Variants in GLYAT observed in about 807,000 individuals in gnomAD.
The protein encoded by GLYAT is glycine N-acyltransferase.
In GLYAT, 25 loss-of-function variants were observed where a neutral mutation model predicts 22.8. The ratio of observed to expected loss-of-function variants is 1.09; its 90% CI spans 0.80 to 1.53. The LOEUF (loss-of-function observed/expected upper bound fraction) is 1.53, where lower values mean the gene tolerates loss of function less well. GLYAT is among the 40% of genes most tolerant of loss of function. GLYAT has a pLI of 0.00. For missense variants in GLYAT, 411 were observed against 353.9 expected, an observed-to-expected ratio of 1.16 and a Z score of -1.29; for synonymous variants, 140 against 122.7, an observed-to-expected ratio of 1.14 and a Z score of -0.93.
chr11:58,713,810 T>G (rs1856645702), intron 3 of GLYAT, among the ~76,000 whole-genome samples: 1 of 152,178 alleles, frequency 6.6e-6, no homozygotes, highest in Non-Finnish European at 1.5e-5. Context: ...TTTTGTTGCT[T>G]AAGACCACAT....
chr11:58,710,256 A>G (rs1856597193), intron 5 of GLYAT, 88 bp from the exon 6 acceptor site: 2 of 1,491,194 alleles, frequency 1.3e-6, no homozygotes, highest in Admixed American at 4.7e-5. Context: ...GACAGAGTAG[A>G]CAGAAGAAAT....
At chr11:58,717,693 A>G (rs1350396131) in intron 2 of GLYAT, among the ~76,000 whole-genome samples, 1 of 152,116 alleles carries the variant, frequency 6.6e-6, no homozygotes. Flanking sequence ...CAACAGGTGT[A>G]CTATAGTCTT....
At chr11:58,723,256 G>T (rs1856774033) in intron 2 of GLYAT, among the ~76,000 whole-genome samples, 1 of 151,944 alleles carries the variant, frequency 6.6e-6, no homozygotes, top group Non-Finnish European at 1.5e-5. Flanking sequence ...CAAAAAAAAT[G>T]TTCTGTCTCT....
chr11:58,724,661 C>T (rs1856793836), intron 1 of GLYAT, 150 bp from the exon 2 acceptor site: 1 of 410,398 alleles, frequency 2.4e-6, no homozygotes, highest in Admixed American at 4.2e-5. Context: ...AAATGAGACT[C>T]GTAGAAAACA....
intron 1 of GLYAT, among the ~76,000 whole-genome samples, chr11:58,729,072 A>G (rs1856845729): frequency 6.6e-6 from 1 of 152,058 alleles, no homozygotes; most frequent in African/African-American, 2.4e-5. Context: ...CATGGATTCT[A>G]CCTCTACCAT....
In GLYAT at chr11:58,710,137, C is replaced by T. The variant is rs376065098; in HGVS notation, c.520G>A (p.Asp174Asn). The T allele has an allele frequency of 6.2e-7, 1 of 1,613,802 alleles. No homozygotes were observed. The highest frequency in any genetic ancestry group is 1.7e-5 in the Admixed American group (1 of 59,990). The change falls in exon 6 of 6, where the codon GAT becomes AAT. Residue 174 changes from aspartate to asparagine, a missense_variant. Physicochemically the swap from Asp to Asn is conservative, Grantham distance 23 (BLOSUM62 1). Transcript: ENST00000344743. ...TTCACCAAGTGAGCATGGGTAACATCCATGGATGAGAGTTTAAACATCTCT... is the reference window on the plus strand; with the variant it reads ...TTCACCAAGTGAGCATGGGTAACATTCATGGATGAGAGTTTAAACATCTCT... The part of the protein sequence containing the change: ...NQEMFKLSSM[D>N]VTHAHLVNKF...
rs1233111812 is a variant in GLYAT at position 58,715,313 on chromosome 11, T to C, written c.189+3A>G. 13 of 1,361,136 alleles carry C rather than the reference T, an allele frequency of 9.6e-6. No homozygotes were observed. The highest frequency in any genetic ancestry group is 1.3e-5 in the Non-Finnish European group (12 of 951,152). 84.3% of individuals were successfully genotyped at this position (1,361,136 alleles called of 1,614,324 possible). ...AGAAGAATATTCACACATGGAAACT[T>C]ACCTGCTCCTGAGGGCAGACAACCA... On this transcript the variant is annotated splice_donor_region_variant and intron_variant, in intron 3 of 5. Transcript: ENST00000344743.
chr11:58,723,516 G>A (rs1856777664), intron 2 of GLYAT, among the ~76,000 whole-genome samples: 1 of 152,004 alleles, frequency 6.6e-6, no homozygotes, highest in South Asian at 2.1e-4. Flanking sequence ...ACTGAAAGAA[G>A]GGAATAACAA....
At chr11:58,714,606 A>G (rs535953009) in intron 3 of GLYAT, among the ~76,000 whole-genome samples, 39 of 152,240 alleles carry the variant, frequency 2.6e-4, no homozygotes, top group Admixed American at 1.8e-3. Flanking sequence ...GATGGAGACA[A>G]TTGAATCATT....
intron 3 of GLYAT, among the ~76,000 whole-genome samples, chr11:58,714,167 T>C (rs1306608888): frequency 6.6e-6 from 1 of 151,986 alleles, no homozygotes; most frequent in Non-Finnish European, 1.5e-5. Context: ...TGGGGGAAAG[T>C]AGAGGAATTG....
chr11:58,715,744 G>A (rs1856672191), intron 2 of GLYAT, among the ~76,000 whole-genome samples: 1 of 152,046 alleles, frequency 6.6e-6, no homozygotes, highest in African/African-American at 2.4e-5. Context: ...CTATTCACAA[G>A]CATACAAAAT....
rs370876037 is a variant in GLYAT at position 58,721,802 on chromosome 11, CT to C, written c.81+2613del. On this transcript the variant is annotated intron_variant, in intron 2 of 5. Transcript: ENST00000344743. Reference sequence around the variant, plus strand: ...CCCTTTAGTAGTTAAAATTCAAAATCTTTTTTTTTTCTCTTTTGCTAGCCAT... The same window carrying C: ...CCCTTTAGTAGTTAAAATTCAAAATCTTTTTTTTTCTCTTTTGCTAGCCAT... 3.8e-4 allele frequency among the ~76,000 whole-genome samples: 57 copies of C among 149,336 alleles called. 1 individual carries two copies. The highest frequency in any genetic ancestry group is 3.9e-4 in the East Asian group (2 of 5,092).
Position 58,712,895 on chromosome 11 carries a change from A to G in GLYAT, c.190-9T>C. ...AGGTCATCTGTCATATCCTGTTATCATTAGGAAAAAGGAAATAAAACACAT... is the reference window on the plus strand; with the variant it reads ...AGGTCATCTGTCATATCCTGTTATCGTTAGGAAAAAGGAAATAAAACACAT... On this transcript the variant is annotated splice_polypyrimidine_tract_variant and intron_variant, in intron 3 of 5. Coordinates refer to ENST00000344743, the MANE Select transcript of GLYAT (RefSeq NM_201648.3). 1 of 1,568,324 alleles carries G rather than the reference A, an allele frequency of 6.4e-7. No individual in the cohort carries two copies. The highest frequency in any genetic ancestry group is 2.3e-5 in the East Asian group (1 of 44,378).
At chr11:58,728,104 C>A (rs1475078683) in intron 1 of GLYAT, among the ~76,000 whole-genome samples, 2 of 137,424 alleles carry the variant, frequency 1.5e-5, no homozygotes, top group Non-Finnish European at 3.0e-5. Context: ...GCTCTGTCAC[C>A]CACACTGGAG....
chr11:58,726,854 A>G (rs1011513523), intron 1 of GLYAT, among the ~76,000 whole-genome samples: 1 of 152,130 alleles, frequency 6.6e-6, no homozygotes, highest in African/African-American at 2.4e-5. Flanking sequence ...TGCTTACAAA[A>G]ACAGCAATGC....
At chr11:58,712,962 T>A in intron 3 of GLYAT, 76 bp from the exon 4 acceptor site, 1 of 907,028 alleles carries the variant, frequency 1.1e-6, no homozygotes, top group Non-Finnish European at 1.6e-6. Flanking sequence ...ACTGTGATAT[T>A]TCTAAGTAAT....
intron 3 of GLYAT, among the ~76,000 whole-genome samples, chr11:58,714,867 T>A (rs1383858240): frequency 1.3e-5 from 2 of 152,172 alleles, no homozygotes. Flanking sequence ...ATTAGTAGCA[T>A]GAGAACGGAC....
At chr11:58,714,998 C>T (rs780644723) in intron 3 of GLYAT, among the ~76,000 whole-genome samples, 16 of 151,956 alleles carry the variant, frequency 1.1e-4, no homozygotes, top group Admixed American at 2.6e-4. Flanking sequence ...GCATATTTTT[C>T]CTACAAAATC....
Position 58,715,319 on chromosome 11 carries a change from C to T in GLYAT, c.186G>A (p.Glu62=). The change falls in exon 3 of 6, where the codon GAG becomes GAA. Residue 62 remains glutamate, a synonymous_variant. Coordinates refer to ENST00000344743, the MANE Select transcript of GLYAT (RefSeq NM_201648.3). ...DFNTVVVCPQ[E]QDMTDDLDHY... is the part of the protein sequence containing the mutation. ...ATATTCACACATGGAAACTTACCTG[C>T]TCCTGAGGGCAGACAACCACTGTAT... The T allele has an allele frequency of 7.0e-7, 1 of 1,421,282 alleles. No homozygotes were observed. Among genetic ancestry groups the T allele is most frequent in the Non-Finnish European group, 9.9e-7 (1 of 1,005,908 alleles). The allele number at this position is 1,421,282 out of a possible 1,614,324, so 88.0% of individuals were successfully genotyped here.
Sources: gnomAD v4.1 joint callset for allele counts (sites outside exome capture counted in the v4.1 genomes callset) on GRCh38, gnomAD v4.1.1 for gene constraint, MANE v1.5 for transcripts, NCBI Gene and HGNC (gene_info 2026-07-23, HGNC 2026-07-21) for gene names.